ATP8A2: variants seen among roughly 807,000 people sequenced by gnomAD.
ATP8A2 encodes the protein phospholipid-transporting ATPase IB.
Under a neutral mutation model 165.6 loss-of-function variants are expected in ATP8A2, and 100 were observed. The ratio of observed to expected loss-of-function variants is 0.60; its 90% CI spans 0.51 to 0.71. The LOEUF is 0.71. Ranked by LOEUF, ATP8A2 falls within the 30% of genes least tolerant of loss-of-function variation. The probability of loss-of-function intolerance (pLI) is 0.00; values close to 1 mark genes in which losing one functional copy is unlikely to be tolerated. For missense variants in ATP8A2, 1,227 were observed against 1,479.5 expected, an observed-to-expected ratio of 0.83 and a Z score of 2.80; for synonymous variants, 543 against 548.8, an observed-to-expected ratio of 0.99 and a Z score of 0.15.
intron 27 of ATP8A2, among the ~76,000 whole-genome samples, chr13:25,798,067 T>G (rs371845753): frequency 1.1e-4 from 17 of 152,314 alleles, no homozygotes; most frequent in African/African-American, 3.8e-4. Flanking sequence ...AAGAATTCCT[T>G]AACTCCCATG....
intron 33 of ATP8A2, among the ~76,000 whole-genome samples, chr13:25,930,387 C>G (rs1232597757): frequency 1.3e-5 from 2 of 151,666 alleles, no homozygotes; most frequent in African/African-American, 4.9e-5. Flanking sequence ...CCCACCCCGC[C>G]CAGTTCCTCC....
chr13:25,567,314 C>T (rs759456931), intron 16 of ATP8A2: 23 of 456,694 alleles, frequency 5.0e-5, no homozygotes, highest in South Asian at 3.4e-4. Context: ...CCATTGCCTT[C>T]CCCTACCCAC....
chr13:26,013,686 A>AGAAAGAAAG (rs61603410), intron 36 of ATP8A2, among the ~76,000 whole-genome samples: 1 of 144,650 alleles, frequency 6.9e-6, no homozygotes, highest in Non-Finnish European at 1.5e-5. Flanking sequence ...AAAAAAAAAA[A>AGAAAGAAAG]AAAGAAAGAA....
At chr13:25,550,356 G>A (rs1292763070) in intron 10 of ATP8A2, among the ~76,000 whole-genome samples, 3 of 152,074 alleles carry the variant, frequency 2.0e-5, no homozygotes, top group African/African-American at 7.2e-5. Context: ...TAGGATGTGG[G>A]CATTACTGGT....
At chr13:25,529,918 CT>C in intron 2 of ATP8A2, 80 bp from the exon 3 acceptor site, 1 of 764,278 alleles carries the variant, frequency 1.3e-6, no homozygotes, top group Middle Eastern at 2.6e-4. Context: ...ATTTGTAAAA[CT>C]TTCTAAACTT....
chr13:26,010,693 A>T (rs952989945), intron 35 of ATP8A2, among the ~76,000 whole-genome samples: 5 of 152,212 alleles, frequency 3.3e-5, no homozygotes, highest in Non-Finnish European at 5.9e-5. Context: ...GTGTTTGCAC[A>T]ACCATGCCTT....
chr13:25,642,181 A>G (rs918115754), intron 24 of ATP8A2, among the ~76,000 whole-genome samples: 4 of 152,242 alleles, frequency 2.6e-5, no homozygotes, highest in Non-Finnish European at 4.4e-5. Context: ...CATTCAGGAC[A>G]TAGGCATGGG....
chr13:25,855,365 A>G (rs1952131919), intron 30 of ATP8A2, among the ~76,000 whole-genome samples: 1 of 152,064 alleles, frequency 6.6e-6, no homozygotes, highest in African/African-American at 2.4e-5. Context: ...CATTCCATAG[A>G]GATGGAATAT....
chr13:25,612,618 G>T (rs1385291855), intron 24 of ATP8A2, among the ~76,000 whole-genome samples: 1 of 152,102 alleles, frequency 6.6e-6, no homozygotes, highest in Non-Finnish European at 1.5e-5. Context: ...TGCAGTTGTT[G>T]GGTAGAATGT....
intron 1 of ATP8A2, among the ~76,000 whole-genome samples, chr13:25,403,012 C>G (rs897906674): frequency 6.6e-6 from 1 of 152,084 alleles, no homozygotes; most frequent in Non-Finnish European, 1.5e-5. Flanking sequence ...TCCCTGAATC[C>G]CTTTTATAAG....
chr13:25,394,499 C>A (rs996252123), intron 1 of ATP8A2, among the ~76,000 whole-genome samples: 1 of 152,172 alleles, frequency 6.6e-6, no homozygotes, highest in Non-Finnish European at 1.5e-5. Context: ...AGGCTGTGCC[C>A]CCGAGCCTGA....
intron 1 of ATP8A2, among the ~76,000 whole-genome samples, chr13:25,440,390 C>G (rs2034899925): frequency 1.3e-5 from 2 of 152,136 alleles, no homozygotes; most frequent in South Asian, 4.2e-4. Context: ...ATTGCTCCCC[C>G]TCGTCCTGTA....
At chr13:26,010,290 A>T (rs78250536) in intron 35 of ATP8A2, among the ~76,000 whole-genome samples, 580 of 152,246 alleles carry the variant, frequency 3.8e-3, no homozygotes, top group African/African-American at 0.013. Flanking sequence ...AGGATCTGTG[A>T]CATTCTCATA....
intron 1 of ATP8A2, among the ~76,000 whole-genome samples, chr13:25,416,276 C>A (rs2034131023): frequency 6.6e-6 from 1 of 152,136 alleles, no homozygotes; most frequent in Non-Finnish European, 1.5e-5. Context: ...GAATGAATTA[C>A]TGGGATTATC....
At chr13:25,655,755 A>T (rs1459570311) in intron 24 of ATP8A2, among the ~76,000 whole-genome samples, 1 of 152,056 alleles carries the variant, frequency 6.6e-6, no homozygotes, top group Non-Finnish European at 1.5e-5. Flanking sequence ...AAAAAACCCG[A>T]AAGTACATGA....
chr13:25,731,664 A>G (rs1027124062), intron 25 of ATP8A2, among the ~76,000 whole-genome samples: 1 of 152,238 alleles, frequency 6.6e-6, no homozygotes, highest in African/African-American at 2.4e-5. Flanking sequence ...TGATGTAATC[A>G]AATTCACAGA....
intron 24 of ATP8A2, among the ~76,000 whole-genome samples, chr13:25,644,666 T>C (rs1411314652): frequency 6.6e-6 from 1 of 152,146 alleles, no homozygotes; most frequent in East Asian, 1.9e-4. Flanking sequence ...AATTAAACAG[T>C]GGAGCCATCT....
At chr13:25,464,850 T>G in intron 1 of ATP8A2, among the ~76,000 whole-genome samples, 1 of 152,220 alleles carries the variant, frequency 6.6e-6, no homozygotes, top group Non-Finnish European at 1.5e-5. Flanking sequence ...TACTGGGTGC[T>G]AGGCATGATC....
At chr13:25,716,705 A>G (rs2138008314) in intron 25 of ATP8A2, among the ~76,000 whole-genome samples, 1 of 152,318 alleles carries the variant, frequency 6.6e-6, no homozygotes, top group Admixed American at 6.5e-5. Flanking sequence ...ATATTTATGT[A>G]GCTCTTATTA....
Sources: gnomAD v4.1 joint callset for allele counts (sites outside exome capture counted in the v4.1 genomes callset) on GRCh38, gnomAD v4.1.1 for gene constraint, MANE v1.5 for transcripts, NCBI Gene and HGNC (gene_info 2026-07-23, HGNC 2026-07-21) for gene names.